The following CEACAM5 variants were observed in gnomAD, a reference collection of about 807,000 sequenced individuals.
The protein encoded by CEACAM5 is cell adhesion molecule CEACAM5.
In CEACAM5, 52 loss-of-function variants were observed where a neutral mutation model predicts 63.0. That is an observed-to-expected ratio of 0.83 (90% confidence interval 0.66 to 1.04). The LOEUF (loss-of-function observed/expected upper bound fraction) is 1.04. Ranked by LOEUF, CEACAM5 falls within the 50% of genes least tolerant of loss-of-function variation. The pLI is 0.00. For synonymous variants in CEACAM5, 357 were observed against 351.3 expected (o/e 1.02, Z -0.18); for missense variants, 790 against 864.8 (o/e 0.91, Z 1.08).
chr19:41,715,990 TC>T, intron 4 of CEACAM5, 86 bp downstream of exon 4: 1 of 1,505,562 alleles, frequency 6.6e-7, no homozygotes, highest in Non-Finnish European at 9.1e-7. Context: ...ACATTTTCTA[TC>T]CCAGCCTGTG....
At position 41,715,224 on chromosome 19, in the gene CEACAM5, T is replaced by C; in HGVS notation, c.678T>C (p.Ser226=). The change falls in exon 3 of 10, where the codon AGT becomes AGC. Residue 226 remains serine, a synonymous_variant. Coordinates refer to ENST00000221992, the MANE Select transcript of CEACAM5 (RefSeq NM_004363.6). The stretch of plus-strand genomic sequence containing the variant: ...AGAACCCAGTGAGTGCCAGGCGCAG[T>C]GATTCAGTCATCCTGAATGTCCTCT... ...ETQNPVSARR[S]DSVILNVLYG... is the part of the protein sequence containing the mutation. The C allele has an allele frequency of 6.2e-7, 1 of 1,614,224 alleles. No individual in the cohort carries two copies. The highest frequency in any genetic ancestry group is 1.7e-5 in the Admixed American group (1 of 60,026).
intron 2 of CEACAM5, among the ~76,000 whole-genome samples, chr19:41,712,918 G>A (rs577846533): frequency 2.0e-5 from 3 of 152,164 alleles, no homozygotes; most frequent in Non-Finnish European, 4.4e-5. Flanking sequence ...GCAAATTATA[G>A]TACTACAGAT....
In CEACAM5 at chr19:41,715,608, C is replaced by T. The variant is rs782471170; in HGVS notation, c.704-42C>T. The T allele has an allele frequency of 1.6e-5, 26 of 1,610,708 alleles. No homozygotes were observed. In the East Asian group the frequency reaches 5.3e-4, roughly 33 times the overall value. On this transcript the variant is annotated intron_variant, in intron 3 of 9. Coordinates refer to ENST00000221992, the MANE Select transcript of CEACAM5 (RefSeq NM_004363.6). Reference sequence around the variant, plus strand: ...TCCATAGACCAGGAACTTCCACTTCCCTCTGACAATATCACCTGTGGCTTT... The same window carrying T: ...TCCATAGACCAGGAACTTCCACTTCTCTCTGACAATATCACCTGTGGCTTT...
rs371859092 is a variant in CEACAM5 at position 41,720,957 on chromosome 19, T to G, written c.1807T>G (p.Ser603Ala). ...CACCCCCATCATTTCCCCCCCAGAC[T>G]CGTCTTACCTTTCGGGAGCGAACCT... is the stretch of plus-strand genomic sequence containing the variant. ...PDTPIISPPD[S>A]SYLSGANLNL... The change falls in exon 8 of 10, where the codon TCG becomes GCG. Residue 603 changes from serine to alanine, a missense_variant. By Grantham distance (99) the Ser-to-Ala change is moderately conservative. Transcript: ENST00000221992. The G allele has an allele frequency of 3.0e-5, 49 of 1,613,670 alleles. No homozygotes were observed. The highest frequency in any genetic ancestry group is 2.0e-4 in the Admixed American group (12 of 59,956).
intron 7 of CEACAM5, 93 bp downstream of exon 7, chr19:41,720,301 G>A (rs1456824651): frequency 2.1e-6 from 3 of 1,445,914 alleles, no homozygotes; most frequent in Non-Finnish European, 2.8e-6. Flanking sequence ...GGTCCAAAGA[G>A]GCAGACTCCC....
rs1048443054 is a variant in CEACAM5, at chr19:41,717,561, G to A, written c.1065G>A (p.Leu355=). Residue 355 remains leucine, a synonymous_variant, in exon 5 of 10, where the codon CTG becomes CTA. Transcript: ENST00000221992. ...CTGAGATTCAGAACACAACCTACCT[G>A]TGGTGGGTAAATAATCAGAGCCTCC... ...CEPEIQNTTY[L]WWVNNQSLPV... is the part of the protein sequence containing the mutation. 1 of 1,614,106 alleles carries A rather than the reference G, an allele frequency of 6.2e-7. No individual in the cohort carries two copies. Among genetic ancestry groups the A allele is most frequent in the Non-Finnish European group, 8.5e-7 (1 of 1,180,050 alleles).
intron 7 of CEACAM5, 98 bp downstream of exon 7, chr19:41,720,306 A>C (rs1600470910): frequency 7.0e-7 from 1 of 1,420,076 alleles, no homozygotes; most frequent in Non-Finnish European, 9.7e-7. Context: ...AAAGAGGCAG[A>C]CTCCCACCCC....
intron 4 of CEACAM5, among the ~76,000 whole-genome samples, 184 bp downstream of exon 4, chr19:41,716,088 T>C (rs1555815034): frequency 6.6e-6 from 1 of 152,190 alleles, no homozygotes; most frequent in Non-Finnish European, 1.5e-5. Flanking sequence ...TTCTGATTTC[T>C]CATGGCGGGC....
chr19:41,715,801 T>A lies in CEACAM5; in HGVS notation c.855T>A (p.Phe285Leu). 2 of 1,614,200 alleles carry A rather than the reference T, an allele frequency of 1.2e-6. No homozygotes were observed. Among genetic ancestry groups the A allele is most frequent in the Non-Finnish European group, 1.7e-6 (2 of 1,180,034 alleles). ...GTFQQSTQEL[F>L]IPNITVNNSG... is the part of the protein sequence containing the mutation. The stretch of plus-strand genomic sequence containing the variant: ...TCCAGCAATCCACCCAAGAGCTCTT[T>A]ATCCCCAACATCACTGTGAATAATA... Residue 285 changes from phenylalanine to leucine, a missense_variant, in exon 4 of 10, where the codon TTT (phenylalanine) becomes TTA (leucine). Transcript: ENST00000221992.
In CEACAM5 at chr19:41,718,302, A is replaced by C. The variant is rs1555815446; in HGVS notation, c.1412A>C (p.Asn471Thr). The C allele has an allele frequency of 6.2e-7, 1 of 1,614,066 alleles. No individual in the cohort carries two copies. The highest frequency in any genetic ancestry group is 1.3e-5 in the African/African-American group (1 of 74,924). ...ELFISNITEK[N>T]SGLYTCQANN... ...TTTATCTCCAACATCACTGAGAAGA[A>C]CAGCGGACTCTATACCTGCCAGGCC... is the stretch of plus-strand genomic sequence containing the variant. The change falls in exon 6 of 10, where the codon AAC (asparagine) becomes ACC (threonine). Residue 471 changes from asparagine to threonine, a missense_variant. Asn to Thr is a moderately conservative substitution (Grantham distance 65). Coordinates refer to ENST00000221992, the MANE Select transcript of CEACAM5 (RefSeq NM_004363.6).
At chr19:41,717,320 C>G in intron 4 of CEACAM5, 135 bp from the exon 5 acceptor site, 1 of 929,192 alleles carries the variant, frequency 1.1e-6, no homozygotes, top group Admixed American at 2.3e-5. Context: ...TGTCTTGTGA[C>G]GCACACACAC....
At position 41,718,152 on chromosome 19, in the gene CEACAM5, C is replaced by G. The variant is rs150455412; in HGVS notation, c.1262C>G (p.Ser421Cys). The change falls in exon 6 of 10, where the codon TCC becomes TGC. Residue 421 changes from serine to cysteine, a missense_variant. Physicochemically the swap from Ser to Cys is moderately radical, Grantham distance 112. Coordinates refer to ENST00000221992, the MANE Select transcript of CEACAM5 (RefSeq NM_004363.6). ...VLYGPDDPTI[S>C]PSYTYYRPGV... Reference sequence around the variant, plus strand: ...GATGGCCCAGACGACCCCACCATTTCCCCCTCATACACCTATTACCGTCCA... The same window carrying G: ...GATGGCCCAGACGACCCCACCATTTGCCCCTCATACACCTATTACCGTCCA... 1 of 1,614,194 alleles carries G rather than the reference C, an allele frequency of 6.2e-7. No homozygotes were observed. Among genetic ancestry groups the G allele is most frequent in the East Asian group, 2.2e-5 (1 of 44,886 alleles).
intron 2 of CEACAM5, among the ~76,000 whole-genome samples, chr19:41,713,750 A>G (rs2072473394): frequency 2.0e-5 from 3 of 152,262 alleles, no homozygotes; most frequent in Non-Finnish European, 2.9e-5. Flanking sequence ...TTCTTCTCAA[A>G]GTTCTGTCTC....
At chr19:41,718,440 C>T (rs2072564307) in intron 6 of CEACAM5, 58 bp downstream of exon 6, 1 of 1,578,084 alleles carries the variant, frequency 6.3e-7, no homozygotes, top group African/African-American at 1.4e-5. Flanking sequence ...GTCTGGTTTT[C>T]AGAAAAGAGC....
chr19:41,711,641 C>T (rs528030000), intron 2 of CEACAM5, among the ~76,000 whole-genome samples: 1 of 152,268 alleles, frequency 6.6e-6, no homozygotes, highest in African/African-American at 2.4e-5. Context: ...CTGGTCGGGA[C>T]AGCCAAGGGA....
In CEACAM5 at chr19:41,708,900, G is replaced by A. The variant is rs8113098; in HGVS notation, c.64+105G>A. On this transcript the variant is annotated intron_variant, in intron 1 of 9. Coordinates refer to ENST00000221992, the MANE Select transcript of CEACAM5 (RefSeq NM_004363.6). ...GAGGGCTCCTGTTGGAGCCTGAATA[G>A]GGAAGAGGACATCAGAGAGGGACAG... 3.0e-3 allele frequency: 2,305 copies of A among 763,086 alleles called. 16 individuals are homozygous for A. Among genetic ancestry groups the A allele is most frequent in the African/African-American group, 0.024 (1,362 of 56,588 alleles). 47.3% of individuals were successfully genotyped at this position (763,086 alleles called of 1,614,324 possible).
At position 41,708,781 on chromosome 19, in the gene CEACAM5, G is replaced by A; in HGVS notation, c.50G>A (p.Arg17Lys). 6.2e-7 allele frequency: 1 copy of A among 1,611,858 alleles called. No individual in the cohort carries two copies. The highest frequency in any genetic ancestry group is 8.5e-7 in the Non-Finnish European group (1 of 1,178,908). Residue 17 changes from arginine (R) to lysine (K), a missense_variant, in exon 1 of 10, where the codon AGG becomes AAG. Transcript: ENST00000221992. The part of the protein sequence containing the change: ...PPHRWCIPWQ[R>K]LLLTASLLTF... Reference sequence around the variant, plus strand: ...CACAGATGGTGCATCCCCTGGCAGAGGCTCCTGCTCACAGGTGAAGGGAGG... The same window carrying A: ...CACAGATGGTGCATCCCCTGGCAGAAGCTCCTGCTCACAGGTGAAGGGAGG...
At chr19:41,714,873 G>C (rs1291250812) in intron 2 of CEACAM5, 98 bp from the exon 3 acceptor site, 13 of 1,577,876 alleles carry the variant, frequency 8.2e-6, no homozygotes, top group Non-Finnish European at 1.1e-5. Context: ...AAGGGCTCAG[G>C]TGGGCTGAGA....
rs1436318408 is a variant in CEACAM5 at position 41,716,044 on chromosome 19, C to T, written c.958+140C>T. 3.3e-5 allele frequency: 31 copies of T among 929,928 alleles called. No individual in the cohort carries two copies. In the Admixed American group the frequency reaches 7.5e-4, roughly 22 times the overall value. 57.6% of individuals were successfully genotyped at this position (929,928 alleles called of 1,614,324 possible). On this transcript the variant is annotated intron_variant, in intron 4 of 9. Coordinates refer to ENST00000221992, the MANE Select transcript of CEACAM5 (RefSeq NM_004363.6). ...AATCCCAGATTCTCCCACTGAACCT[C>T]CCCAATATGTCTCTACAGACTCTTT...
Sources: gnomAD v4.1 joint callset for allele counts (sites outside exome capture counted in the v4.1 genomes callset) on GRCh38, gnomAD v4.1.1 for gene constraint, MANE v1.5 for transcripts, NCBI Gene and HGNC (gene_info 2026-07-23, HGNC 2026-07-21) for gene names.